EXOC6: variants seen among roughly 807,000 people sequenced by gnomAD.
EXOC6 encodes exocyst complex component 6, also known as SEC15-like 1.
In EXOC6, 60 loss-of-function variants were observed where a neutral mutation model predicts 112.5. The observed-to-expected ratio is 0.53, with a 90% confidence interval of 0.43 to 0.66. EXOC6 has a LOEUF of 0.66. EXOC6 is among the 30% of genes least tolerant of loss of function. EXOC6 has a pLI of 0.00. For missense variants in EXOC6, 855 were observed against 957.1 expected, an observed-to-expected ratio of 0.89 and a Z score of 1.41; for synonymous variants, 295 against 308.0, an observed-to-expected ratio of 0.96 and a Z score of 0.44.
chr10:93,041,227 G>GCCTACCA (rs146191232), intron 20 of EXOC6, among the ~76,000 whole-genome samples: 20,387 of 151,770 alleles, frequency 0.13, 1,530 homozygotes, highest in African/African-American at 0.2. Context: ...TTAACTACTT[G>GCCTACCA]CCTACCTATT....
upstream of EXOC6, among the ~76,000 whole-genome samples, chr10:92,846,030 C>T (rs1272839686): frequency 6.6e-6 from 1 of 152,214 alleles, no homozygotes; most frequent in Non-Finnish European, 1.5e-5. Flanking sequence ...CAGGTACTCA[C>T]GGAACTGTCA....
At chr10:92,964,010 A>G (rs1854163194) in intron 17 of EXOC6, among the ~76,000 whole-genome samples, 1 of 151,942 alleles carries the variant, frequency 6.6e-6, no homozygotes, top group African/African-American at 2.4e-5. Flanking sequence ...TTTTAAAAAA[A>G]AAAAAATCAC....
At chr10:93,018,748 TAAAAAG>T (rs1018397215) in intron 20 of EXOC6, among the ~76,000 whole-genome samples, 1 of 152,076 alleles carries the variant, frequency 6.6e-6, no homozygotes, top group African/African-American at 2.4e-5. Flanking sequence ...TAAAATACTT[TAAAAAG>T]AAAAATTATT....
chr10:92,895,508 G>A (rs1849699929), intron 4 of EXOC6, among the ~76,000 whole-genome samples: 1 of 151,954 alleles, frequency 6.6e-6, no homozygotes, highest in Non-Finnish European at 1.5e-5. Context: ...CACCATTCTT[G>A]CCTTTCCTCC....
chr10:92,985,319 T>C (rs1350690663), intron 18 of EXOC6, among the ~76,000 whole-genome samples: 2 of 152,158 alleles, frequency 1.3e-5, no homozygotes, highest in Middle Eastern at 3.2e-3. Context: ...GGACTTCTAA[T>C]GCACAGCTGG....
At chr10:92,835,111 A>G (rs191279721) in intron 1 of EXOC6, among the ~76,000 whole-genome samples, 2 of 152,290 alleles carry the variant, frequency 1.3e-5, no homozygotes, top group East Asian at 3.9e-4. Flanking sequence ...ATGAGGTTTC[A>G]ATTGTTTTCT....
At chr10:92,928,633 G>A (rs1359145192) in intron 9 of EXOC6, among the ~76,000 whole-genome samples, 18 of 146,072 alleles carry the variant, frequency 1.2e-4, no homozygotes, top group Non-Finnish European at 2.6e-4. Context: ...TATTAGGAAA[G>A]ATAGACAGCG....
intron 1 of EXOC6, among the ~76,000 whole-genome samples, chr10:92,870,713 C>CTT (rs35387359): frequency 4.2e-5 from 6 of 143,184 alleles, no homozygotes; most frequent in African/African-American, 7.6e-5. Context: ...TAGGTGTTAT[C>CTT]TTTTTTTTTT....
At chr10:92,829,015 A>G (rs1474670379) in intron 1 of EXOC6, among the ~76,000 whole-genome samples, 1 of 152,122 alleles carries the variant, frequency 6.6e-6, no homozygotes, top group African/African-American at 2.4e-5. Flanking sequence ...ATCGAGTTAC[A>G]GATGTAGAAA....
chr10:93,019,488 T>C (rs1020847988), intron 20 of EXOC6, among the ~76,000 whole-genome samples: 2 of 152,242 alleles, frequency 1.3e-5, no homozygotes. Context: ...ATTCTAGTTT[T>C]ATGACAATCT....
At chr10:93,052,029 A>G (rs835280) in intron 20 of EXOC6, among the ~76,000 whole-genome samples, 20,016 of 152,160 alleles carry the variant, frequency 0.13, 1,480 homozygotes, top group African/African-American at 0.19. Flanking sequence ...GGTATCCCCA[A>G]TTGCTTTTCT....
At chr10:93,053,602 T>G (rs547550424) in intron 20 of EXOC6, among the ~76,000 whole-genome samples, 1 of 152,348 alleles carries the variant, frequency 6.6e-6, no homozygotes, top group East Asian at 1.9e-4. Flanking sequence ...TTGCCATAGT[T>G]TGCCTGCAAG....
chr10:92,941,004 C>G (rs980004900), intron 13 of EXOC6, among the ~76,000 whole-genome samples, 180 bp downstream of exon 13: 4 of 152,054 alleles, frequency 2.6e-5, no homozygotes, highest in African/African-American at 9.7e-5. Flanking sequence ...CAAATTGTTG[C>G]AACTGTCACC....
chr10:93,014,595 T>C (rs1352689665), intron 20 of EXOC6, among the ~76,000 whole-genome samples: 1 of 152,200 alleles, frequency 6.6e-6, no homozygotes, highest in East Asian at 1.9e-4. Context: ...CATGGTCATA[T>C]ATGAAAATTG....
At chr10:92,880,955 A>C (rs1848933545) in intron 1 of EXOC6, among the ~76,000 whole-genome samples, 1 of 152,090 alleles carries the variant, frequency 6.6e-6, no homozygotes, top group South Asian at 2.1e-4. Flanking sequence ...CTACATGAAA[A>C]CTTTTTGTTT....
rs369570335 is a variant in EXOC6, at chr10:92,985,187, G to A, written c.1953+10955G>A. Among the ~76,000 whole-genome samples, 13 of 151,876 alleles carry A rather than the reference G, an allele frequency of 8.6e-5. No homozygotes were observed. In the East Asian group the frequency reaches 2.1e-3, roughly 25 times the overall value. The stretch of plus-strand genomic sequence containing the variant: ...AAAATATTCTTTCATTAGGGTAATT[G>A]CCTGTGCTCTCTGGCCCTCTGGGTG... On this transcript the variant is annotated intron_variant, in intron 18 of 21. Coordinates refer to ENST00000260762, the MANE Select transcript of EXOC6 (RefSeq NM_019053.6).
chr10:93,048,469 T>A (rs1359601056), intron 20 of EXOC6, among the ~76,000 whole-genome samples: 3 of 149,016 alleles, frequency 2.0e-5, no homozygotes, highest in Non-Finnish European at 4.4e-5. Context: ...TGAAACCTCG[T>A]CTCTAATACC....
At chr10:93,011,091 A>G (rs1844219964) in intron 19 of EXOC6, among the ~76,000 whole-genome samples, 1 of 152,088 alleles carries the variant, frequency 6.6e-6, no homozygotes, top group African/African-American at 2.4e-5. Context: ...TGATAAAATG[A>G]GTCTCCCTGC....
intron 9 of EXOC6, among the ~76,000 whole-genome samples, chr10:92,931,836 G>A (rs1190118743): frequency 6.6e-6 from 1 of 152,000 alleles, no homozygotes; most frequent in Non-Finnish European, 1.5e-5. Flanking sequence ...ATACACTTCT[G>A]ATAGATATAA....
Sources: allele counts gnomAD v4.1 joint callset (sites outside exome capture counted in the v4.1 genomes callset), GRCh38; gene constraint gnomAD v4.1.1; transcripts MANE v1.5; gene names NCBI Gene and HGNC (gene_info 2026-07-23, HGNC 2026-07-21).